GRIK2: variants seen among roughly 807,000 people sequenced by gnomAD.
GRIK2 encodes glutamate receptor ionotropic, kainate 2.
Under a neutral mutation model 100.3 loss-of-function variants are expected in GRIK2, and 32 were observed. That is an observed-to-expected ratio of 0.32 (90% CI 0.24 to 0.43). The LOEUF (loss-of-function observed/expected upper bound fraction) is 0.43. Ranked by LOEUF, GRIK2 falls within the 20% of genes least tolerant of loss-of-function variation. GRIK2 has a pLI of 1.00. For missense variants in GRIK2, 843 were observed against 1,114.9 expected, an observed-to-expected ratio of 0.76 and a Z score of 3.47; for synonymous variants, 417 against 389.4, an observed-to-expected ratio of 1.07 and a Z score of -0.83.
chr6:102,036,138 T>A (rs1325193374), intron 15 of GRIK2, among the ~76,000 whole-genome samples: 2 of 151,222 alleles, frequency 1.3e-5, no homozygotes, highest in African/African-American at 4.8e-5. Context: ...TCAAATGAGA[T>A]AATGAATTGT....
chr6:101,711,684 ATG>A (rs999390382), intron 7 of GRIK2, among the ~76,000 whole-genome samples: 2 of 151,828 alleles, frequency 1.3e-5, no homozygotes, highest in African/African-American at 4.8e-5. Flanking sequence ...ATTGACATAC[ATG>A]TAAGATCAAA....
chr6:101,442,312 C>T (rs1031817979), intron 2 of GRIK2, among the ~76,000 whole-genome samples: 1 of 152,092 alleles, frequency 6.6e-6, no homozygotes, highest in African/African-American at 2.4e-5. Flanking sequence ...TGGGGTCCTG[C>T]TAACAGGCTC....
intron 14 of GRIK2, among the ~76,000 whole-genome samples, chr6:102,014,257 G>T (rs1795710351): frequency 1.1e-5 from 1 of 94,922 alleles, no homozygotes; most frequent in Non-Finnish European, 2.5e-5. Flanking sequence ...GTCTTTGATG[G>T]TTATTTGTAT....
intron 2 of GRIK2, among the ~76,000 whole-genome samples, chr6:101,605,710 A>G (rs1022201732): frequency 2.0e-5 from 3 of 151,946 alleles, no homozygotes; most frequent in Admixed American, 6.6e-5. Flanking sequence ...CACTTTAACT[A>G]CATTTTTTCC....
chr6:101,624,863 C>T (rs984139889), intron 3 of GRIK2, among the ~76,000 whole-genome samples: 1 of 152,128 alleles, frequency 6.6e-6, no homozygotes, highest in East Asian at 1.9e-4. Flanking sequence ...TGCCAAGTAG[C>T]TAGGACTATA....
At chr6:101,709,225 C>T (rs571995428) in intron 7 of GRIK2, among the ~76,000 whole-genome samples, 34 of 151,616 alleles carry the variant, frequency 2.2e-4, no homozygotes, top group Non-Finnish European at 4.6e-4. Flanking sequence ...ACACCAGAAA[C>T]TATGAGAAAG....
At chr6:101,963,764 C>T (rs1324563187) in intron 14 of GRIK2, among the ~76,000 whole-genome samples, 2 of 152,012 alleles carry the variant, frequency 1.3e-5, no homozygotes, top group African/African-American at 4.8e-5. Context: ...CCCAACCATA[C>T]ATCATTATAT....
chr6:101,952,752 G>A (rs1006099004), intron 14 of GRIK2, among the ~76,000 whole-genome samples: 1 of 151,988 alleles, frequency 6.6e-6, no homozygotes, highest in Non-Finnish European at 1.5e-5. Flanking sequence ...ACAGGTGCCC[G>A]CCACCACACC....
intron 14 of GRIK2, among the ~76,000 whole-genome samples, chr6:101,976,930 T>C (rs2128487912): frequency 6.6e-6 from 1 of 151,854 alleles, no homozygotes; most frequent in South Asian, 2.1e-4. Context: ...AATAGTGGAA[T>C]GGAGGAAAAT....
At chr6:101,581,636 A>T (rs1375112192) in intron 2 of GRIK2, among the ~76,000 whole-genome samples, 3 of 152,150 alleles carry the variant, frequency 2.0e-5, no homozygotes. Context: ...ACACTAGTGT[A>T]AGTGCTGCTT....
rs147525102 is a variant in GRIK2 at position 101,927,344 on chromosome 6, C to T, written c.1868-1071C>T. The T allele has an allele frequency of 2.0e-4, 142 of 713,974 alleles. No homozygotes were observed. The Admixed American group carries it at 7.7e-3, about 39-fold the overall frequency. 44.2% of individuals were successfully genotyped at this position (713,974 alleles called of 1,614,324 possible). On this transcript the variant is annotated intron_variant, in intron 13 of 16. Coordinates refer to ENST00000369134, the MANE Select transcript of GRIK2 (RefSeq NM_021956.5). Reference sequence around the variant, plus strand: ...TATACTAAAGATATGACTGTAAGTCCGTCTTTGCTTCATTCCATTTTACTC... The same window carrying T: ...TATACTAAAGATATGACTGTAAGTCTGTCTTTGCTTCATTCCATTTTACTC...
intron 7 of GRIK2, among the ~76,000 whole-genome samples, chr6:101,795,025 A>G (rs972463456): frequency 4.6e-5 from 7 of 151,724 alleles, no homozygotes; most frequent in Non-Finnish European, 1.0e-4. Flanking sequence ...AGCTACCATG[A>G]CCCACTAACT....
At chr6:101,498,760 G>A (rs1773589540) in intron 2 of GRIK2, among the ~76,000 whole-genome samples, 1 of 151,978 alleles carries the variant, frequency 6.6e-6, no homozygotes, top group African/African-American at 2.4e-5. Flanking sequence ...TGTAGATTCT[G>A]GATATTAGCC....
At chr6:101,747,039 G>A (rs891676373) in intron 7 of GRIK2, among the ~76,000 whole-genome samples, 7 of 151,924 alleles carry the variant, frequency 4.6e-5, no homozygotes, top group Admixed American at 2.0e-4. Flanking sequence ...TTCTGAATTA[G>A]ATCAGCAGTT....
intron 15 of GRIK2, 145 bp downstream of exon 15, chr6:102,035,711 G>T (rs1269213010): frequency 3.6e-6 from 2 of 560,802 alleles, no homozygotes; most frequent in South Asian, 5.3e-5. Context: ...ATAAAAGCAG[G>T]TTATCATTTT....
intron 2 of GRIK2, among the ~76,000 whole-genome samples, chr6:101,507,062 T>G (rs1043141837): frequency 3.3e-5 from 5 of 152,256 alleles, no homozygotes; most frequent in African/African-American, 1.2e-4. Context: ...TAATTAAACA[T>G]AGAGTCAGAT....
chr6:101,797,947 A>G (rs186687560), intron 7 of GRIK2, among the ~76,000 whole-genome samples: 1 of 150,626 alleles, frequency 6.6e-6, no homozygotes, highest in African/African-American at 2.4e-5. Context: ...CTAGTTGAGT[A>G]TTTTTCAAAA....
chr6:101,718,193 T>C (rs946398700), intron 7 of GRIK2, among the ~76,000 whole-genome samples: 1 of 151,832 alleles, frequency 6.6e-6, no homozygotes, highest in Non-Finnish European at 1.5e-5. Flanking sequence ...CAATTTCACT[T>C]ATCTTATTCT....
chr6:101,686,258 A>T lies in GRIK2; in HGVS notation c.856A>T (p.Asn286Tyr). Residue 286 changes from asparagine to tyrosine, a missense_variant, in exon 7 of 17, where the codon AAT becomes TAT. Asn to Tyr is a moderately radical substitution (Grantham distance 143). Coordinates refer to ENST00000369134, the MANE Select transcript of GRIK2 (RefSeq NM_021956.5). ...AGGGTTCAGAATATTAAATACAGAA[A>T]ATACCCAAGTCTCCTCCATCATTGA... The part of the protein sequence containing the change: ...MTGFRILNTE[N>Y]TQVSSIIEKW... 6.2e-7 allele frequency: 1 copy of T among 1,613,016 alleles called. No homozygotes were observed. Among genetic ancestry groups the T allele is most frequent in the Admixed American group, 1.7e-5 (1 of 59,996 alleles).
Sources: allele counts gnomAD v4.1 joint callset (sites outside exome capture counted in the v4.1 genomes callset), GRCh38; gene constraint gnomAD v4.1.1; transcripts MANE v1.5; gene names NCBI Gene and HGNC (gene_info 2026-07-23, HGNC 2026-07-21).